UNC5C: variants seen among roughly 807,000 people sequenced by gnomAD.
UNC5C encodes the protein unc-5 netrin receptor C, also known as netrin receptor UNC5C.
UNC5C carries 47 observed loss-of-function variants against 99.8 expected under a neutral mutation model. That is an observed-to-expected ratio of 0.47 (90% CI 0.37 to 0.60). The LOEUF (loss-of-function observed/expected upper bound fraction) is 0.60, where lower values mean the gene tolerates loss of function less well. Among genes scored for constraint, UNC5C ranks in the 20% least tolerant of loss-of-function variants. The pLI is 0.00. For synonymous variants in UNC5C, 487 were observed against 452.2 expected (o/e 1.08, Z -0.98); for missense variants, 1,062 against 1,165.9 (o/e 0.91, Z 1.30).
At chr4:95,440,439 A>T (rs265016) in intron 1 of UNC5C, among the ~76,000 whole-genome samples, 136,547 of 151,772 alleles carry the variant, frequency 0.9, 61,615 homozygotes, top group Admixed American at 0.94. Context: ...TTAGTATCAT[A>T]TACCATTCAG....
chr4:95,250,157 G>C (rs148211130), intron 5 of UNC5C, among the ~76,000 whole-genome samples: 6 of 152,094 alleles, frequency 3.9e-5, no homozygotes, highest in African/African-American at 1.4e-4. Flanking sequence ...ATATCAGTAC[G>C]AGGAAAGCAA....
At chr4:95,467,688 G>T (rs543379664) in intron 1 of UNC5C, among the ~76,000 whole-genome samples, 3 of 152,246 alleles carry the variant, frequency 2.0e-5, no homozygotes, top group Admixed American at 6.5e-5. Flanking sequence ...CTTGAACAAT[G>T]CTGGGCTTAG....
intron 5 of UNC5C, among the ~76,000 whole-genome samples, chr4:95,246,916 C>A (rs146785628): frequency 2.0e-3 from 304 of 151,968 alleles, no homozygotes; most frequent in African/African-American, 7.0e-3. Flanking sequence ...ATGGCACATG[C>A]CTGTAGTCCC....
chr4:95,338,131 T>C (rs1236546169), intron 1 of UNC5C, among the ~76,000 whole-genome samples: 2 of 152,048 alleles, frequency 1.3e-5, no homozygotes, highest in Non-Finnish European at 2.9e-5. Flanking sequence ...GGCTCACCCC[T>C]GTTGTGAAAT....
At chr4:95,182,798 T>C in intron 14 of UNC5C, 99 bp downstream of exon 14, 2 of 1,326,614 alleles carry the variant, frequency 1.5e-6, no homozygotes, top group East Asian at 4.7e-5. Context: ...TTTGAGGACT[T>C]CCCATATGGA....
At chr4:95,355,039 G>A (rs1245071341) in intron 1 of UNC5C, among the ~76,000 whole-genome samples, 1 of 152,082 alleles carries the variant, frequency 6.6e-6, no homozygotes, top group Admixed American at 6.6e-5. Context: ...CTGTATCTAG[G>A]AAAGAATATA....
chr4:95,269,105 A>G (rs1740562614), intron 4 of UNC5C, among the ~76,000 whole-genome samples: 1 of 152,176 alleles, frequency 6.6e-6, no homozygotes, highest in African/African-American at 2.4e-5. Context: ...TTTACACCAG[A>G]GCTTTTCAAA....
At chr4:95,519,006 C>T (rs1463369471) in intron 1 of UNC5C, among the ~76,000 whole-genome samples, 2 of 152,060 alleles carry the variant, frequency 1.3e-5, no homozygotes, top group African/African-American at 4.8e-5. Flanking sequence ...GAGAAAGTCT[C>T]TATTTTCTAT....
chr4:95,352,174 A>C (rs1041610313), intron 1 of UNC5C, among the ~76,000 whole-genome samples: 1 of 151,752 alleles, frequency 6.6e-6, no homozygotes, highest in Non-Finnish European at 1.5e-5. Context: ...ATGAAATCAG[A>C]CTCCTTACTA....
chr4:95,547,818 G>T (rs538349312), intron 1 of UNC5C, among the ~76,000 whole-genome samples: 1 of 152,224 alleles, frequency 6.6e-6, no homozygotes, highest in Non-Finnish European at 1.5e-5. Context: ...AGGCGGACAA[G>T]AAGGGAGCCG....
chr4:95,483,132 T>C (rs937780933), intron 1 of UNC5C, among the ~76,000 whole-genome samples: 1 of 151,240 alleles, frequency 6.6e-6, no homozygotes, highest in Non-Finnish European at 1.5e-5. Flanking sequence ...GCCTGGGTTT[T>C]GGCTCTGGTA....
At chr4:95,525,112 T>G (rs1722463610) in intron 1 of UNC5C, among the ~76,000 whole-genome samples, 1 of 152,162 alleles carries the variant, frequency 6.6e-6, no homozygotes. Flanking sequence ...ATGGGATACA[T>G]TTGGAAGCTC....
At chr4:95,505,467 C>A (rs1380210424) in intron 1 of UNC5C, among the ~76,000 whole-genome samples, 3 of 152,078 alleles carry the variant, frequency 2.0e-5, no homozygotes, top group South Asian at 2.1e-4. Flanking sequence ...CTATTCAAAC[C>A]CTGCTGTATT....
intron 1 of UNC5C, among the ~76,000 whole-genome samples, chr4:95,538,389 C>G (rs1481184218): frequency 6.6e-6 from 1 of 152,146 alleles, no homozygotes; most frequent in Non-Finnish European, 1.5e-5. Flanking sequence ...ATTCCTTTCC[C>G]TAATTTAGTG....
intron 1 of UNC5C, among the ~76,000 whole-genome samples, chr4:95,423,937 G>A (rs1746390303): frequency 6.6e-6 from 1 of 152,168 alleles, no homozygotes; most frequent in African/African-American, 2.4e-5. Context: ...TTTCTAAAAT[G>A]AATAGAAATA....
At chr4:95,449,931 C>T (rs1213389594) in intron 1 of UNC5C, among the ~76,000 whole-genome samples, 1 of 152,176 alleles carries the variant, frequency 6.6e-6, no homozygotes, top group Non-Finnish European at 1.5e-5. Context: ...AATCAAAGTT[C>T]TTCAGACTGC....
At chr4:95,543,830 G>A (rs910989819) in intron 1 of UNC5C, among the ~76,000 whole-genome samples, 5 of 152,130 alleles carry the variant, frequency 3.3e-5, no homozygotes, top group Admixed American at 2.0e-4. Flanking sequence ...AATTTTCCCA[G>A]AGAGAACAGA....
intron 5 of UNC5C, among the ~76,000 whole-genome samples, chr4:95,247,680 G>T (rs1335184072): frequency 6.6e-6 from 1 of 152,142 alleles, no homozygotes; most frequent in Admixed American, 6.5e-5. Context: ...CCTGACCCCA[G>T]TCCAAAGCTA....
At chr4:95,398,044 C>CTTTTTTTTTTTTTTTTTTTTTT (rs34609153) in intron 1 of UNC5C, among the ~76,000 whole-genome samples, 14 of 95,904 alleles carry the variant, frequency 1.5e-4, no homozygotes, top group East Asian at 7.3e-4. Context: ...CCAAATGTAG[C>CTTTTTTTTTTTTTTTTTTTTTT]TTTTTTTTTT....
Sources: allele counts gnomAD v4.1 joint callset (sites outside exome capture counted in the v4.1 genomes callset), GRCh38; gene constraint gnomAD v4.1.1; transcripts MANE v1.5; gene names NCBI Gene and HGNC (gene_info 2026-07-23, HGNC 2026-07-21).